The following ANO4 variants were observed in gnomAD, a reference collection of about 807,000 sequenced individuals.
The protein encoded by ANO4 is anoctamin-4.
In ANO4, 69 loss-of-function variants were observed where a neutral mutation model predicts 141.9. The ratio of observed to expected loss-of-function variants is 0.49; its 90% CI spans 0.40 to 0.59. The LOEUF is 0.59. Among genes scored for constraint, ANO4 ranks in the 20% least tolerant of loss-of-function variants. ANO4 has a pLI of 0.00. For missense variants in ANO4, 894 were observed against 1,162.2 expected (o/e 0.77, Z 3.36); for synonymous variants, 350 against 394.3 (o/e 0.89, Z 1.33).
intron 1 of ANO4, among the ~76,000 whole-genome samples, chr12:100,871,403 A>G (rs1377892935): frequency 2.0e-5 from 3 of 152,244 alleles, no homozygotes; most frequent in Non-Finnish European, 4.4e-5. Context: ...CATGAAAGTC[A>G]GCTTCTCTGC....
intron 1 of ANO4, among the ~76,000 whole-genome samples, chr12:100,795,248 G>A (rs568966564): frequency 2.7e-5 from 4 of 150,056 alleles, no homozygotes; most frequent in East Asian, 3.9e-4. Context: ...GCTGTGATAC[G>A]AATATAAGTG....
chr12:100,988,823 A>G (rs2044873402), intron 8 of ANO4, among the ~76,000 whole-genome samples: 1 of 141,012 alleles, frequency 7.1e-6, no homozygotes, highest in Non-Finnish European at 1.5e-5. Flanking sequence ...GTGAGCCAAG[A>G]TTGTGCCATT....
chr12:101,111,269 T>C (rs1452890295), intron 23 of ANO4, among the ~76,000 whole-genome samples: 2 of 152,198 alleles, frequency 1.3e-5, no homozygotes, highest in Non-Finnish European at 2.9e-5. Context: ...TGGTGGGGCT[T>C]GACATTATGT....
chr12:100,873,518 A>G (rs540989994), intron 1 of ANO4, among the ~76,000 whole-genome samples: 1 of 152,248 alleles, frequency 6.6e-6, no homozygotes, highest in East Asian at 1.9e-4. Flanking sequence ...TGCCCTAGAG[A>G]TCTGTGGAAC....
chr12:100,967,541 A>G (rs1221594761), intron 5 of ANO4, among the ~76,000 whole-genome samples: 1 of 149,892 alleles, frequency 6.7e-6, no homozygotes, highest in Admixed American at 6.8e-5. Flanking sequence ...AGCCCCATAC[A>G]CTATATTTTC....
chr12:100,911,415 G>C (rs984270240), intron 2 of ANO4, among the ~76,000 whole-genome samples: 1 of 152,166 alleles, frequency 6.6e-6, no homozygotes, highest in African/African-American at 2.4e-5. Context: ...AAGCCCTGCA[G>C]TAGCTCAAAC....
At chr12:100,804,734 G>T (rs192937839) in intron 1 of ANO4, among the ~76,000 whole-genome samples, 1 of 152,114 alleles carries the variant, frequency 6.6e-6, no homozygotes, top group Non-Finnish European at 1.5e-5. Context: ...TTTATTGGCC[G>T]CATGTATGTC....
chr12:100,883,057 G>A (rs1275825964), intron 1 of ANO4, among the ~76,000 whole-genome samples: 4 of 152,132 alleles, frequency 2.6e-5, no homozygotes, highest in African/African-American at 7.2e-5. Flanking sequence ...TACCACAATC[G>A]TTTATGGAAA....
At chr12:100,912,448 C>T (rs1176046554) in intron 2 of ANO4, among the ~76,000 whole-genome samples, 1 of 142,380 alleles carries the variant, frequency 7.0e-6, no homozygotes, top group African/African-American at 2.6e-5. Flanking sequence ...GCAGGAGAAT[C>T]GCTTGAATCC....
chr12:100,956,529 G>A (rs187589447), intron 5 of ANO4, among the ~76,000 whole-genome samples: 6 of 152,236 alleles, frequency 3.9e-5, no homozygotes, highest in East Asian at 3.9e-4. Context: ...GCATTATGTC[G>A]CCTCTTGGGG....
rs555438343 is a variant in ANO4, at chr12:100,892,313, TA to T, written c.-140-9325del. On this transcript the variant is annotated intron_variant, in intron 1 of 27. Coordinates refer to ENST00000392977, the MANE Select transcript of ANO4 (RefSeq NM_001286615.2). ...GAGTTTTAAATCACTCTTTATGAATTAAAAAAAATCTCAGGTTGTTTTCACT... is the reference window on the plus strand; with the variant it reads ...GAGTTTTAAATCACTCTTTATGAATTAAAAAAATCTCAGGTTGTTTTCACT... Among the ~76,000 whole-genome samples the T allele has an allele frequency of 6.8e-4, 104 of 152,136 alleles. 1 individual carries two copies. Among genetic ancestry groups the T allele is most frequent in the African/African-American group, 2.3e-3 (97 of 41,506 alleles).
At chr12:100,900,453 C>T (rs1194880204) in intron 1 of ANO4, among the ~76,000 whole-genome samples, 1 of 133,754 alleles carries the variant, frequency 7.5e-6, no homozygotes, top group Admixed American at 7.7e-5. Flanking sequence ...CCTCCCCCCT[C>T]CCCCTACCCC....
At chr12:100,723,858 C>T (rs1219559129) in intron 1 of ANO4, among the ~76,000 whole-genome samples, 2 of 152,146 alleles carry the variant, frequency 1.3e-5, no homozygotes, top group Admixed American at 6.5e-5. Context: ...ACATTCAGCT[C>T]ACAATAAGTA....
chr12:100,889,921 A>G (rs1214488780), intron 1 of ANO4, among the ~76,000 whole-genome samples: 1 of 152,234 alleles, frequency 6.6e-6, no homozygotes, highest in Non-Finnish European at 1.5e-5. Flanking sequence ...TGAATTTTTC[A>G]TATCATAAAT....
intron 5 of ANO4, among the ~76,000 whole-genome samples, chr12:100,943,289 CT>C (rs963243410): frequency 6.6e-6 from 1 of 152,158 alleles, no homozygotes; most frequent in African/African-American, 2.4e-5. Flanking sequence ...GCTTCTGGAG[CT>C]TTTCATAGTC....
chr12:100,845,831 T>C (rs1430275849), intron 1 of ANO4, among the ~76,000 whole-genome samples: 5 of 152,206 alleles, frequency 3.3e-5, no homozygotes, highest in African/African-American at 1.2e-4. Context: ...TGGCAAACAT[T>C]TAGAACTTGA....
Position 100,896,607 on chromosome 12 carries a change from C to T in ANO4, c.-140-5039C>T, listed in dbSNP as rs544451358. 1.4e-3 allele frequency among the ~76,000 whole-genome samples: 209 copies of T among 152,316 alleles called. 2 individuals are homozygous for T. The highest frequency in any genetic ancestry group is 4.8e-3 in the African/African-American group (201 of 41,568). On this transcript the variant is annotated intron_variant, in intron 1 of 27. Transcript: ENST00000392977. ...GAGATGATAAAATCTTGTTTGAACT[C>T]ATCCTGGTTGTGGTAATTTGTTAAA...
At chr12:100,988,889 G>GAAAAAAAAAAA (rs57790317) in intron 8 of ANO4, among the ~76,000 whole-genome samples, 2 of 78,732 alleles carry the variant, frequency 2.5e-5, no homozygotes, top group Non-Finnish European at 5.4e-5. Flanking sequence ...AAAAAAAAAA[G>GAAAAAAAAAAA]AAAGAAAAAC....
At chr12:100,840,050 C>T (rs567825893) in intron 1 of ANO4, among the ~76,000 whole-genome samples, 8 of 152,158 alleles carry the variant, frequency 5.3e-5, no homozygotes, top group African/African-American at 1.9e-4. Context: ...TTCCCCACCT[C>T]CTCTCTCATA....
Sources: allele counts gnomAD v4.1 joint callset (sites outside exome capture counted in the v4.1 genomes callset), GRCh38; gene constraint gnomAD v4.1.1; transcripts MANE v1.5; gene names NCBI Gene and HGNC (gene_info 2026-07-23, HGNC 2026-07-21).